Variants in PIERCE2 observed in about 807,000 individuals in gnomAD.
PIERCE2 encodes the protein piercer of microtubule wall 2, also known as piercer of microtubule wall 2 protein.
At chr15:55,418,045 T>C in the PIERCE2 span, 9 of 1,275,892 alleles carry the variant, frequency 7.1e-6, no homozygotes, top group Non-Finnish European at 6.5e-6. Flanking sequence ...TCAGGCCATC[T>C]GGATGTATAC....
the PIERCE2 span, among the ~76,000 whole-genome samples, chr15:55,413,038 G>C: frequency 6.6e-6 from 1 of 152,138 alleles, no homozygotes; most frequent in Non-Finnish European, 1.5e-5. Flanking sequence ...GGAGGCCAAG[G>C]CGGGCGGATC....
the PIERCE2 span, chr15:55,418,500 A>G: frequency 2.0e-6 from 3 of 1,527,746 alleles, no homozygotes; most frequent in Non-Finnish European, 2.6e-6. Flanking sequence ...TTTTATCAAA[A>G]TAACACTCTA....
At chr15:55,412,277 C>CTGCCTTG in the PIERCE2 span, among the ~76,000 whole-genome samples, 47 of 152,168 alleles carry the variant, frequency 3.1e-4, no homozygotes, top group African/African-American at 1.1e-3. Flanking sequence ...GTCATAGTTG[C>CTGCCTTG]TGCCTTGTGC....
the PIERCE2 span, chr15:55,418,447 T>C: frequency 2.0e-6 from 3 of 1,521,902 alleles, no homozygotes; most frequent in East Asian, 7.4e-5. Context: ...GCAATTATAC[T>C]CCAAAGGAGC....
chr15:55,418,717 A>G, the PIERCE2 span: 1 of 567,396 alleles, frequency 1.8e-6, no homozygotes, highest in South Asian at 3.0e-5. Context: ...TGATAACTAC[A>G]TGACAGTGAC....
the PIERCE2 span, among the ~76,000 whole-genome samples, chr15:55,409,242 C>G: frequency 2.6e-5 from 4 of 151,970 alleles, no homozygotes; most frequent in South Asian, 2.1e-4. Flanking sequence ...TCCGTCTCTA[C>G]TAAATACAAA....
chr15:55,418,581 C>A, the PIERCE2 span: 1 of 1,393,318 alleles, frequency 7.2e-7, no homozygotes, highest in South Asian at 1.4e-5. Context: ...AAATATATTC[C>A]TTTGTATATT....
the PIERCE2 span, among the ~76,000 whole-genome samples, chr15:55,413,785 T>C: frequency 6.8e-6 from 1 of 146,688 alleles, no homozygotes; most frequent in Admixed American, 6.9e-5. Context: ...AAAAAGACTG[T>C]TTTTATGGGG....
the PIERCE2 span, among the ~76,000 whole-genome samples, chr15:55,409,031 G>A: frequency 1.3e-5 from 2 of 151,788 alleles, no homozygotes; most frequent in African/African-American, 4.9e-5. Flanking sequence ...TTCAGTGATG[G>A]TTTTGAACAA....
the PIERCE2 span, among the ~76,000 whole-genome samples, chr15:55,409,682 C>T: frequency 5.3e-5 from 8 of 152,070 alleles, no homozygotes; most frequent in Middle Eastern, 3.2e-3. Flanking sequence ...ACAGCTTCTG[C>T]GATGGGCATT....
chr15:55,417,571 T>C, the PIERCE2 span: 1 of 152,392 alleles, frequency 6.6e-6, no homozygotes, highest in African/African-American at 2.4e-5. Flanking sequence ...TACTTCCTCT[T>C]CTAACTATGA....
chr15:55,418,205 T>C, the PIERCE2 span: 4 of 1,570,100 alleles, frequency 2.5e-6, no homozygotes, highest in Non-Finnish European at 3.4e-6. Context: ...AGAATGATTT[T>C]ATGTGTTTAT....
At chr15:55,415,586 G>A in the PIERCE2 span, among the ~76,000 whole-genome samples, 3 of 152,162 alleles carry the variant, frequency 2.0e-5, no homozygotes, top group Non-Finnish European at 4.4e-5. Flanking sequence ...ACAACTCTAA[G>A]GGGGTCCGCG....
the PIERCE2 span, among the ~76,000 whole-genome samples, chr15:55,416,927 G>T: frequency 0.24 from 36,685 of 151,970 alleles, 5,626 homozygotes; most frequent in Non-Finnish European, 0.34. Context: ...CACCATTGCA[G>T]TCCAGCCTGG....
At chr15:55,412,108 A>T in the PIERCE2 span, among the ~76,000 whole-genome samples, 15 of 151,678 alleles carry the variant, frequency 9.9e-5, no homozygotes, top group African/African-American at 3.4e-4. Flanking sequence ...AAAAAAAAAA[A>T]AAAAAAAAAA....
At chr15:55,411,959 C>T in the PIERCE2 span, among the ~76,000 whole-genome samples, 6 of 151,768 alleles carry the variant, frequency 4.0e-5, no homozygotes, top group Admixed American at 3.3e-4. Context: ...AGCGTGGTGG[C>T]GCACGCCTTT....
the PIERCE2 span, chr15:55,417,899 G>A: frequency 2.2e-6 from 1 of 444,708 alleles, no homozygotes; most frequent in Non-Finnish European, 4.0e-6. Context: ...GGGTTATTCT[G>A]TGGCGGGCAG....
the PIERCE2 span, among the ~76,000 whole-genome samples, chr15:55,411,748 C>T: frequency 7.2e-4 from 109 of 152,074 alleles, no homozygotes; most frequent in Non-Finnish European, 1.3e-3. Flanking sequence ...ATGGAGAAAC[C>T]CCATCTCTAC....
the PIERCE2 span, among the ~76,000 whole-genome samples, chr15:55,409,079 T>A: frequency 6.6e-6 from 1 of 152,142 alleles, no homozygotes; most frequent in Non-Finnish European, 1.5e-5. Flanking sequence ...TTATTTAAAT[T>A]GCACTGTGTC....
Sources: allele counts gnomAD v4.1 joint callset (sites outside exome capture counted in the v4.1 genomes callset), GRCh38; gene constraint gnomAD v4.1.1; transcripts MANE v1.5; gene names NCBI Gene and HGNC (gene_info 2026-07-23, HGNC 2026-07-21).